The following GALNTL6 variants were observed in gnomAD, a reference collection of about 807,000 sequenced individuals.
The protein encoded by GALNTL6 is polypeptide N-acetylgalactosaminyltransferase-like 6.
A neutral mutation model predicts 73.7 loss-of-function variants in GALNTL6; 46 were observed. The ratio of observed to expected loss-of-function variants is 0.62; its 90% CI spans 0.49 to 0.80. The LOEUF (loss-of-function observed/expected upper bound fraction) is 0.80. Ranked by LOEUF, GALNTL6 falls within the 30% of genes least tolerant of loss-of-function variation. GALNTL6 has a pLI of 0.00. For missense variants in GALNTL6, 604 were observed against 755.0 expected, an observed-to-expected ratio of 0.80 and a Z score of 2.34; for synonymous variants, 259 against 263.7, an observed-to-expected ratio of 0.98 and a Z score of 0.17.
intron 5 of GALNTL6, among the ~76,000 whole-genome samples, chr4:172,692,606 T>C (rs1733381464): frequency 6.6e-6 from 1 of 152,310 alleles, no homozygotes; most frequent in South Asian, 2.1e-4. Context: ...TTAAACACTT[T>C]AGCAGCAAGC....
intron 5 of GALNTL6, among the ~76,000 whole-genome samples, chr4:172,692,037 T>C: frequency 6.6e-6 from 1 of 152,098 alleles, no homozygotes; most frequent in East Asian, 1.9e-4. Flanking sequence ...AAGCGGGATT[T>C]TTTTTAGAAA....
At chr4:172,993,230 A>G (rs1291313774) in intron 10 of GALNTL6, among the ~76,000 whole-genome samples, 2 of 152,230 alleles carry the variant, frequency 1.3e-5, no homozygotes, top group African/African-American at 2.4e-5. Flanking sequence ...TAAGAAGAGA[A>G]GAGACACCAG....
intron 5 of GALNTL6, among the ~76,000 whole-genome samples, chr4:172,608,470 T>A (rs910732188): frequency 1.2e-4 from 18 of 152,182 alleles, no homozygotes; most frequent in African/African-American, 4.3e-4. Flanking sequence ...GGGTTCTCTA[T>A]TCTGTTCCAT....
intron 4 of GALNTL6, among the ~76,000 whole-genome samples, chr4:172,334,160 A>G (rs954499373): frequency 2.6e-5 from 4 of 152,116 alleles, no homozygotes; most frequent in African/African-American, 9.7e-5. Context: ...ATAGCCTTGT[A>G]ATATATTTTG....
chr4:172,862,418 A>T (rs1214724882), intron 7 of GALNTL6, among the ~76,000 whole-genome samples: 1 of 152,158 alleles, frequency 6.6e-6, no homozygotes, highest in African/African-American at 2.4e-5. Flanking sequence ...AGTTTGGAAA[A>T]TTTGCAGCCT....
intron 5 of GALNTL6, among the ~76,000 whole-genome samples, chr4:172,641,660 C>T (rs1033100325): frequency 1.3e-5 from 2 of 152,058 alleles, no homozygotes; most frequent in African/African-American, 4.8e-5. Context: ...TATCCCACCA[C>T]CCTCAACCTG....
At chr4:172,427,678 T>C (rs755975697) in intron 5 of GALNTL6, among the ~76,000 whole-genome samples, 3 of 152,148 alleles carry the variant, frequency 2.0e-5, no homozygotes, top group East Asian at 1.9e-4. Context: ...TTAAAAGAGA[T>C]ATTAATTAGG....
chr4:172,756,134 G>A (rs560434040), intron 5 of GALNTL6, among the ~76,000 whole-genome samples: 1 of 152,322 alleles, frequency 6.6e-6, no homozygotes, highest in African/African-American at 2.4e-5. Context: ...CGCTTCAGAA[G>A]TAAGTTATTA....
chr4:172,318,785 G>A (rs1740657438), intron 4 of GALNTL6, among the ~76,000 whole-genome samples: 1 of 147,934 alleles, frequency 6.8e-6, no homozygotes, highest in African/African-American at 2.5e-5. Context: ...GGGAACTGGA[G>A]TCTAAAAGGA....
At chr4:171,843,057 T>A (rs1735279011) in intron 2 of GALNTL6, among the ~76,000 whole-genome samples, 1 of 152,122 alleles carries the variant, frequency 6.6e-6, no homozygotes. Context: ...TTCTTTCTTC[T>A]ATGAAATTAG....
intron 2 of GALNTL6, among the ~76,000 whole-genome samples, chr4:171,845,578 T>C (rs2110851101): frequency 6.6e-6 from 1 of 152,256 alleles, no homozygotes; most frequent in South Asian, 2.1e-4. Context: ...GTCATATATC[T>C]CATTCTCAGC....
At chr4:172,604,084 C>T (rs1420528893) in intron 5 of GALNTL6, among the ~76,000 whole-genome samples, 1 of 152,158 alleles carries the variant, frequency 6.6e-6, no homozygotes, top group East Asian at 1.9e-4. Context: ...GCATTAGTAA[C>T]ATCATGCTAT....
At chr4:172,104,382 G>A (rs1273341525) in intron 2 of GALNTL6, among the ~76,000 whole-genome samples, 1 of 151,998 alleles carries the variant, frequency 6.6e-6, no homozygotes, top group Non-Finnish European at 1.5e-5. Flanking sequence ...AAGAAACATC[G>A]ACTTAAATTA....
At chr4:173,010,589 TTTTTGTTTTG>T (rs1003499760) in intron 11 of GALNTL6, among the ~76,000 whole-genome samples, 1 of 152,026 alleles carries the variant, frequency 6.6e-6, no homozygotes, top group Non-Finnish European at 1.5e-5. Context: ...TTTGTTGTTT[TTTTTGTTTTG>T]TTTTGTTTTG....
intron 8 of GALNTL6, among the ~76,000 whole-genome samples, chr4:172,923,141 A>G (rs751907428): frequency 6.6e-6 from 1 of 152,168 alleles, no homozygotes; most frequent in Non-Finnish European, 1.5e-5. Context: ...AGAGTTTATT[A>G]GTTTGTTTTC....
At chr4:172,503,017 A>G (rs902204503) in intron 5 of GALNTL6, among the ~76,000 whole-genome samples, 5 of 152,218 alleles carry the variant, frequency 3.3e-5, no homozygotes, top group African/African-American at 4.8e-5. Flanking sequence ...TGCCACCTAC[A>G]TAAATGGAAC....
chr4:172,642,410 AAG>A (rs1175332664), intron 5 of GALNTL6, among the ~76,000 whole-genome samples: 1 of 152,060 alleles, frequency 6.6e-6, no homozygotes, highest in Admixed American at 6.6e-5. Context: ...TTAAAAAAGA[AAG>A]AAATCCTGTC....
chr4:172,201,002 G>C (rs1478632485), intron 2 of GALNTL6, among the ~76,000 whole-genome samples: 2 of 152,140 alleles, frequency 1.3e-5, no homozygotes, highest in Admixed American at 1.3e-4. Flanking sequence ...TTAGTAAATA[G>C]TATGCTCTAT....
At chr4:172,171,034 C>G (rs1734803787) in intron 2 of GALNTL6, among the ~76,000 whole-genome samples, 1 of 152,134 alleles carries the variant, frequency 6.6e-6, no homozygotes, top group African/African-American at 2.4e-5. Context: ...TATCTCTCAT[C>G]ATTTATTAAG....
Sources: allele counts gnomAD v4.1 joint callset (sites outside exome capture counted in the v4.1 genomes callset), GRCh38; gene constraint gnomAD v4.1.1; transcripts MANE v1.5; gene names NCBI Gene and HGNC (gene_info 2026-07-23, HGNC 2026-07-21).